The following PTPRG variants were observed in gnomAD, a reference collection of about 807,000 sequenced individuals.
PTPRG encodes the protein receptor-type tyrosine-protein phosphatase gamma.
A neutral mutation model predicts 165.3 loss-of-function variants in PTPRG; 102 were observed. The observed-to-expected ratio is 0.62, with a 90% CI of 0.53 to 0.73. The LOEUF is 0.73. Among genes scored for constraint, PTPRG ranks in the 30% least tolerant of loss-of-function variants. The pLI, the probability that PTPRG is intolerant of heterozygous loss-of-function variation, is 0.00. For missense variants in PTPRG, 1,866 were observed against 1,861.4 expected, an observed-to-expected ratio of 1.00 and a Z score of -0.05; for synonymous variants, 675 against 669.5, an observed-to-expected ratio of 1.01 and a Z score of -0.13.
intron 2 of PTPRG, among the ~76,000 whole-genome samples, chr3:61,918,972 G>T (rs562759480): frequency 6.6e-6 from 1 of 152,286 alleles, no homozygotes; most frequent in Admixed American, 6.5e-5. Context: ...GGAGAATTCG[G>T]TGGTTGTGAG....
At chr3:62,277,097 G>T in intron 25 of PTPRG, 49 bp downstream of exon 25, 2 of 1,459,382 alleles carry the variant, frequency 1.4e-6, no homozygotes, top group African/African-American at 2.8e-5. Context: ...ACTGAAAGGT[G>T]TTAAAGAGCA....
At chr3:61,810,291 G>T (rs2035536244) in intron 2 of PTPRG, among the ~76,000 whole-genome samples, 1 of 152,186 alleles carries the variant, frequency 6.6e-6, no homozygotes, top group South Asian at 2.1e-4. Flanking sequence ...AGGATATCCA[G>T]GAAGAAGTGA....
chr3:61,639,045 G>T (rs1362466171), intron 1 of PTPRG, among the ~76,000 whole-genome samples: 2 of 152,132 alleles, frequency 1.3e-5, no homozygotes, highest in African/African-American at 4.8e-5. Context: ...TATAGTTCCT[G>T]ATCTTACATT....
chr3:61,589,613 G>A (rs993114391), intron 1 of PTPRG, among the ~76,000 whole-genome samples: 9 of 152,256 alleles, frequency 5.9e-5, no homozygotes, highest in Non-Finnish European at 1.2e-4. Context: ...CAGAATTCAG[G>A]TGGTTGATGG....
At chr3:61,744,989 T>G (rs1394385570) in intron 1 of PTPRG, among the ~76,000 whole-genome samples, 8 of 151,458 alleles carry the variant, frequency 5.3e-5, no homozygotes, top group African/African-American at 1.9e-4. Flanking sequence ...TTACCATCAC[T>G]ACCCTCTAGA....
chr3:62,052,523 A>G (rs985169793), intron 4 of PTPRG, among the ~76,000 whole-genome samples: 4 of 152,118 alleles, frequency 2.6e-5, no homozygotes, highest in African/African-American at 9.7e-5. Context: ...CTGAGATTGC[A>G]TCTCTACAAA....
intron 14 of PTPRG, among the ~76,000 whole-genome samples, chr3:62,236,972 G>GGTGT (rs1701047542): frequency 1.3e-5 from 2 of 152,048 alleles, no homozygotes; most frequent in Admixed American, 1.3e-4. Flanking sequence ...CTTTTAAGGA[G>GGTGT]GTTTGTTTGT....
chr3:61,867,040 G>T (rs2037431745), intron 2 of PTPRG, among the ~76,000 whole-genome samples: 1 of 152,154 alleles, frequency 6.6e-6, no homozygotes, highest in Non-Finnish European at 1.5e-5. Context: ...CTTCCAGCCA[G>T]GAGTAGCTCT....
At chr3:61,618,497 G>T (rs1265722987) in intron 1 of PTPRG, among the ~76,000 whole-genome samples, 1 of 152,134 alleles carries the variant, frequency 6.6e-6, no homozygotes, top group Non-Finnish European at 1.5e-5. Flanking sequence ...TATAATTGCA[G>T]ATGGCAATTG....
At chr3:62,010,940 G>A (rs995433467) in intron 4 of PTPRG, among the ~76,000 whole-genome samples, 24 of 152,108 alleles carry the variant, frequency 1.6e-4, no homozygotes, top group African/African-American at 5.8e-4. Context: ...GAAAAATTAG[G>A]CACGTGGACA....
intron 8 of PTPRG, among the ~76,000 whole-genome samples, chr3:62,191,079 G>C (rs1018584188): frequency 1.3e-5 from 2 of 152,208 alleles, no homozygotes; most frequent in Non-Finnish European, 2.9e-5. Flanking sequence ...GTGCATCTGT[G>C]TCCCGTGCAT....
rs143820820 is a variant in PTPRG, at chr3:62,196,190, G to A, written c.1327+1020G>A. On this transcript the variant is annotated intron_variant, in intron 10 of 29. Transcript: ENST00000474889. The stretch of plus-strand genomic sequence containing the variant: ...GGTGGGTAGATCAGGAGATCAGTTC[G>A]AGACCAGCCTGGCCAACATGGTGAA... 5.9e-3 allele frequency among the ~76,000 whole-genome samples: 869 copies of A among 146,974 alleles called. 4 individuals are homozygous for A. The highest frequency in any genetic ancestry group is 0.015 in the South Asian group (62 of 4,124).
chr3:61,823,855 A>G (rs941258998), intron 2 of PTPRG, among the ~76,000 whole-genome samples: 1 of 152,090 alleles, frequency 6.6e-6, no homozygotes, highest in Non-Finnish European at 1.5e-5. Flanking sequence ...AGCTGGGTGC[A>G]GTGGCTCACG....
intron 8 of PTPRG, among the ~76,000 whole-genome samples, chr3:62,171,357 G>A (rs1401498177): frequency 4.6e-5 from 7 of 152,082 alleles, no homozygotes; most frequent in African/African-American, 7.2e-5. Context: ...GACTGTATGT[G>A]CCACTTTACA....
chr3:61,917,411 T>A (rs2038967602), intron 2 of PTPRG, among the ~76,000 whole-genome samples: 1 of 152,166 alleles, frequency 6.6e-6, no homozygotes, highest in Non-Finnish European at 1.5e-5. Flanking sequence ...TGGCAGTTGC[T>A]CCATGTCTAA....
intron 2 of PTPRG, among the ~76,000 whole-genome samples, chr3:61,919,377 G>T (rs891202682): frequency 6.6e-6 from 1 of 152,178 alleles, no homozygotes; most frequent in Non-Finnish European, 1.5e-5. Context: ...CTGTTTATTA[G>T]CCAACAAATA....
intron 1 of PTPRG, among the ~76,000 whole-genome samples, chr3:61,746,390 T>C (rs2033207851): frequency 6.6e-6 from 1 of 151,998 alleles, no homozygotes; most frequent in African/African-American, 2.4e-5. Flanking sequence ...TTTGTATTTT[T>C]AGTAGAGACA....
chr3:61,836,863 G>C (rs1473914793), intron 2 of PTPRG, among the ~76,000 whole-genome samples: 2 of 150,612 alleles, frequency 1.3e-5, no homozygotes, highest in African/African-American at 2.4e-5. Flanking sequence ...TCCTGCGTCA[G>C]CCTCCCTAGT....
intron 7 of PTPRG, 108 bp from the exon 8 acceptor site, chr3:62,167,863 C>T (rs1487124990): frequency 1.7e-6 from 2 of 1,154,500 alleles, no homozygotes; most frequent in East Asian, 2.4e-5. Flanking sequence ...CCTACCGTTT[C>T]ATGCTCTTAT....
Sources: allele counts gnomAD v4.1 joint callset (sites outside exome capture counted in the v4.1 genomes callset), GRCh38; gene constraint gnomAD v4.1.1; transcripts MANE v1.5; gene names NCBI Gene and HGNC (gene_info 2026-07-23, HGNC 2026-07-21).